ESR1: variants seen among roughly 807,000 people sequenced by gnomAD.
The protein encoded by ESR1 is estrogen receptor.
ESR1 carries 12 observed loss-of-function variants against 52.7 expected under a neutral mutation model. That is an observed-to-expected ratio of 0.23 (90% CI 0.15 to 0.37). The LOEUF (loss-of-function observed/expected upper bound fraction) is 0.37, where lower values mean the gene tolerates loss of function less well. Ranked by LOEUF, ESR1 falls within the 10% of genes least tolerant of loss-of-function variation. ESR1 has a pLI of 1.00. For synonymous variants in ESR1, 305 were observed against 316.8 expected (o/e 0.96, Z 0.39); for missense variants, 584 against 779.7 (o/e 0.75, Z 2.99).
In ESR1 at chr6:151,724,249, A is replaced by G. The variant is rs145722907; in HGVS notation, c.-71+22244A>G. Among the ~76,000 whole-genome samples, 235 of 152,250 alleles carry G rather than the reference A, an allele frequency of 1.5e-3. 2 individuals carry two copies. The highest frequency in any genetic ancestry group is 5.3e-3 in the African/African-American group (219 of 41,554). On this transcript the variant is annotated intron_variant, in intron 2 of 2. Coordinates refer to the ESR1 transcript ENST00000404742. Reference sequence around the variant, plus strand: ...TACCTTCCTAGTTTCTAATTATTCTACCGCTTAGGAGAGAGGGGTAAATGA... The same window carrying G: ...TACCTTCCTAGTTTCTAATTATTCTGCCGCTTAGGAGAGAGGGGTAAATGA...
chr6:152,030,271 A>T (rs1430387806), intron 5 of ESR1, among the ~76,000 whole-genome samples: 1 of 152,198 alleles, frequency 6.6e-6, no homozygotes, highest in Non-Finnish European at 1.5e-5. Context: ...TGACAGGATC[A>T]AATTCACACA....
intron 5 of ESR1, among the ~76,000 whole-genome samples, chr6:152,049,429 C>T (rs1017252475): frequency 3.3e-5 from 5 of 152,168 alleles, no homozygotes; most frequent in African/African-American, 4.8e-5. Context: ...GTCTTACTCC[C>T]GTGTGACAGA....
chr6:151,984,656 G>GT (rs199667819), intron 4 of ESR1, among the ~76,000 whole-genome samples: 2,218 of 152,224 alleles, frequency 0.015, 52 homozygotes, highest in African/African-American at 0.041. Context: ...CTATGACACT[G>GT]TTTTTTCATC....
At chr6:152,029,522 A>G (rs1472182032) in intron 5 of ESR1, among the ~76,000 whole-genome samples, 1 of 152,240 alleles carries the variant, frequency 6.6e-6, no homozygotes, top group African/African-American at 2.4e-5. Flanking sequence ...GATTCAATCA[A>G]CTGGAAGAAA....
At chr6:152,055,309 G>A (rs149849151) in intron 5 of ESR1, among the ~76,000 whole-genome samples, 8 of 152,182 alleles carry the variant, frequency 5.3e-5, no homozygotes, top group African/African-American at 9.6e-5. Flanking sequence ...AACCAAGCAC[G>A]CCAGGGTTCA....
chr6:151,812,075 CTTATAGTTTT>C (rs1778922499), intron 1 of ESR1, among the ~76,000 whole-genome samples: 3 of 151,986 alleles, frequency 2.0e-5, no homozygotes, highest in Admixed American at 2.0e-4. Context: ...CTTTTAGTTT[CTTATAGTTTT>C]AAGGATATGT....
At chr6:151,969,881 T>C (rs2128630501) in intron 4 of ESR1, among the ~76,000 whole-genome samples, 1 of 152,266 alleles carries the variant, frequency 6.6e-6, no homozygotes, top group East Asian at 1.9e-4. Flanking sequence ...TGTGTTTCTC[T>C]CTCCACTTCG....
Position 152,102,080 on chromosome 6 carries a change from T to G in ESR1, c.*3114T>G. 1 of 213,876 alleles carries G rather than the reference T, an allele frequency of 4.7e-6. No individual in the cohort carries two copies. Among genetic ancestry groups the G allele is most frequent in the Non-Finnish European group, 9.5e-6 (1 of 105,460 alleles). The allele number at this position is 213,876 out of a possible 1,614,324, so 13.2% of individuals were successfully genotyped here. On this transcript the variant is annotated 3_prime_UTR_variant, in exon 8 of 8. Transcript: ENST00000206249. Reference sequence around the variant, plus strand: ...AAGAGAAGACCCTATCAATGTAGGTTGCAAAATCTAACCCCTAAGGAAGTG... The same window carrying G: ...AAGAGAAGACCCTATCAATGTAGGTGGCAAAATCTAACCCCTAAGGAAGTG...
chr6:152,056,871 C>T (rs1435220519), intron 5 of ESR1, among the ~76,000 whole-genome samples: 1 of 152,098 alleles, frequency 6.6e-6, no homozygotes, highest in East Asian at 1.9e-4. Context: ...AAAAATAAAT[C>T]TTGTTTTTCC....
intron 6 of ESR1, among the ~76,000 whole-genome samples, chr6:152,073,839 C>A (rs1398451725): frequency 2.6e-5 from 4 of 152,158 alleles, no homozygotes; most frequent in African/African-American, 4.8e-5. Flanking sequence ...CATCTGCAAC[C>A]CCACTTCCTT....
intron 4 of ESR1, among the ~76,000 whole-genome samples, chr6:151,953,264 C>T (rs2036523044): frequency 6.6e-6 from 1 of 152,130 alleles, no homozygotes; most frequent in Non-Finnish European, 1.5e-5. Flanking sequence ...CCCTAAGTAC[C>T]AACATAGCCA....
intron 2 of ESR1, among the ~76,000 whole-genome samples, chr6:151,716,414 G>A (rs1781038122): frequency 6.6e-6 from 1 of 152,156 alleles, no homozygotes; most frequent in South Asian, 2.1e-4. Context: ...GTTTAAATCT[G>A]CTGAAGCTGT....
At chr6:152,028,783 T>A (rs946189702) in intron 5 of ESR1, among the ~76,000 whole-genome samples, 2 of 152,178 alleles carry the variant, frequency 1.3e-5, no homozygotes, top group Non-Finnish European at 2.9e-5. Flanking sequence ...GTCTGACAGC[T>A]TTGAAGACAG....
At chr6:152,003,923 G>A (rs1303483539) in intron 4 of ESR1, among the ~76,000 whole-genome samples, 1 of 151,888 alleles carries the variant, frequency 6.6e-6, no homozygotes, top group African/African-American at 2.4e-5. Context: ...AAACTAAACT[G>A]ATGAATAAAG....
At chr6:152,032,267 C>T (rs901210942) in intron 5 of ESR1, among the ~76,000 whole-genome samples, 2 of 152,132 alleles carry the variant, frequency 1.3e-5, no homozygotes, top group Admixed American at 1.3e-4. Context: ...TCCTATTCAA[C>T]ATAGTGTTGG....
chr6:152,119,705 T>C (rs972435387), intron 6 of ESR1, among the ~76,000 whole-genome samples: 1 of 152,258 alleles, frequency 6.6e-6, no homozygotes, highest in Non-Finnish European at 1.5e-5. Context: ...AGTGTCCTTT[T>C]ATCTCCTTAC....
At chr6:152,009,581 A>C (rs1377065121) in intron 4 of ESR1, among the ~76,000 whole-genome samples, 1 of 152,052 alleles carries the variant, frequency 6.6e-6, no homozygotes, top group Non-Finnish European at 1.5e-5. Flanking sequence ...GAACATAGCA[A>C]GCACTGGTGA....
At chr6:152,033,056 A>G in intron 5 of ESR1, among the ~76,000 whole-genome samples, 1 of 152,240 alleles carries the variant, frequency 6.6e-6, no homozygotes, top group Non-Finnish European at 1.5e-5. Context: ...TTCCCTATTT[A>G]ATAAATGGTG....
chr6:151,967,597 GGGTT>G (rs1173876323), intron 4 of ESR1, among the ~76,000 whole-genome samples: 1 of 152,156 alleles, frequency 6.6e-6, no homozygotes, highest in East Asian at 1.9e-4. Context: ...ATGGGCATTT[GGGTT>G]GGTTCCAAGT....
Sources: allele counts gnomAD v4.1 joint callset (sites outside exome capture counted in the v4.1 genomes callset), GRCh38; gene constraint gnomAD v4.1.1; transcripts MANE v1.5; gene names NCBI Gene and HGNC (gene_info 2026-07-23, HGNC 2026-07-21).